Variants in SNTG1 observed in about 807,000 individuals in gnomAD.
The protein encoded by SNTG1 is syntrophin gamma 1, also known as gamma-1-syntrophin.
SNTG1 carries 39 observed loss-of-function variants against 74.7 expected under a neutral mutation model. The ratio of observed to expected loss-of-function variants is 0.52; its 90% CI spans 0.40 to 0.68. The LOEUF is 0.68. Ranked by LOEUF, SNTG1 falls within the 30% of genes least tolerant of loss-of-function variation. The pLI is 0.00. For missense variants in SNTG1, 685 were observed against 609.5 expected, an observed-to-expected ratio of 1.12 and a Z score of -1.30; for synonymous variants, 254 against 217.1, an observed-to-expected ratio of 1.17 and a Z score of -1.49.
At chr8:50,356,777 G>C (rs2091827921) in intron 2 of SNTG1, among the ~76,000 whole-genome samples, 1 of 152,126 alleles carries the variant, frequency 6.6e-6, no homozygotes, top group African/African-American at 2.4e-5. Context: ...TTCAACACCT[G>C]AATTTCAGAG....
At chr8:50,075,591 T>C (rs559539407) in intron 1 of SNTG1, among the ~76,000 whole-genome samples, 1 of 152,290 alleles carries the variant, frequency 6.6e-6, no homozygotes, top group South Asian at 2.1e-4. Flanking sequence ...AAAAGCAGGC[T>C]GCCAGAGCCA....
intron 2 of SNTG1, among the ~76,000 whole-genome samples, chr8:50,265,521 T>C (rs2087420454): frequency 6.6e-6 from 1 of 152,040 alleles, no homozygotes; most frequent in Admixed American, 6.6e-5. Flanking sequence ...GCAATATTCT[T>C]AATAATGAAA....
At chr8:50,449,799 G>A (rs1278156285) in intron 6 of SNTG1, 74 bp downstream of exon 6, 1 of 1,277,790 alleles carries the variant, frequency 7.8e-7, no homozygotes, top group Non-Finnish European at 1.1e-6. Flanking sequence ...TGATATTCAA[G>A]AATCCTAAAT....
At chr8:50,027,383 T>C (rs902900219) in intron 1 of SNTG1, among the ~76,000 whole-genome samples, 2 of 152,172 alleles carry the variant, frequency 1.3e-5, no homozygotes, top group Admixed American at 6.5e-5. Flanking sequence ...TGTACTGCGT[T>C]GAACAATGTC....
intron 1 of SNTG1, among the ~76,000 whole-genome samples, chr8:49,912,550 T>C (rs777992147): frequency 6.6e-6 from 1 of 152,258 alleles, no homozygotes; most frequent in Non-Finnish European, 1.5e-5. Flanking sequence ...TGTTGTCTTA[T>C]GTATGCCATA....
chr8:50,165,075 G>A (rs996820534), intron 1 of SNTG1, among the ~76,000 whole-genome samples: 1 of 152,126 alleles, frequency 6.6e-6, no homozygotes, highest in Non-Finnish European at 1.5e-5. Flanking sequence ...AAAAAATGTT[G>A]AATTAGGTGT....
At chr8:50,268,646 C>A (rs974866891) in intron 2 of SNTG1, among the ~76,000 whole-genome samples, 1 of 139,006 alleles carries the variant, frequency 7.2e-6, no homozygotes, top group African/African-American at 2.5e-5. Context: ...CATACTCATA[C>A]ATATTCAATT....
intron 2 of SNTG1, among the ~76,000 whole-genome samples, chr8:50,379,240 C>T (rs1368612226): frequency 5.3e-5 from 8 of 152,138 alleles, no homozygotes; most frequent in Admixed American, 1.3e-4. Context: ...GGCTTGGCCC[C>T]GACTTTGCTC....
intron 1 of SNTG1, among the ~76,000 whole-genome samples, chr8:50,130,532 G>T (rs891409591): frequency 6.6e-6 from 1 of 152,078 alleles, no homozygotes; most frequent in Admixed American, 6.6e-5. Flanking sequence ...GAAACCAGGA[G>T]CAAAATATAA....
intron 17 of SNTG1, among the ~76,000 whole-genome samples, chr8:50,739,731 C>T (rs1192813331): frequency 1.3e-5 from 2 of 151,886 alleles, no homozygotes; most frequent in Non-Finnish European, 2.9e-5. Flanking sequence ...TGATTTTAAA[C>T]AGGGCTATAG....
At chr8:50,133,999 G>A (rs1293962192) in intron 1 of SNTG1, among the ~76,000 whole-genome samples, 6 of 152,216 alleles carry the variant, frequency 3.9e-5, no homozygotes, top group Non-Finnish European at 8.8e-5. Context: ...GCCCTTAGGA[G>A]GCTGTGCTTA....
At chr8:50,410,074 A>G (rs988821626) in intron 4 of SNTG1, among the ~76,000 whole-genome samples, 2 of 152,242 alleles carry the variant, frequency 1.3e-5, no homozygotes, top group African/African-American at 4.8e-5. Context: ...AGATGACTTT[A>G]AGAGAACTAA....
intron 1 of SNTG1, among the ~76,000 whole-genome samples, chr8:50,140,525 T>C (rs2081620434): frequency 6.6e-6 from 1 of 151,982 alleles, no homozygotes; most frequent in Non-Finnish European, 1.5e-5. Context: ...TCAGTGTGGG[T>C]ATGAGTGTTA....
At chr8:50,283,979 A>G (rs1339815133) in intron 2 of SNTG1, among the ~76,000 whole-genome samples, 1 of 152,124 alleles carries the variant, frequency 6.6e-6, no homozygotes, top group Non-Finnish European at 1.5e-5. Flanking sequence ...GTACATTAGT[A>G]TAAAGTAGAG....
At chr8:50,754,276 A>T (rs559446943) in intron 18 of SNTG1, among the ~76,000 whole-genome samples, 6 of 152,138 alleles carry the variant, frequency 3.9e-5, no homozygotes, top group Non-Finnish European at 5.9e-5. Flanking sequence ...ATTATATTCT[A>T]TAGTGGCTAC....
intron 12 of SNTG1, among the ~76,000 whole-genome samples, chr8:50,573,687 T>C (rs2094561275): frequency 1.3e-5 from 2 of 151,862 alleles, no homozygotes; most frequent in Non-Finnish European, 2.9e-5. Context: ...ATTGTTTGAT[T>C]TGTAATATAT....
At chr8:49,915,736 T>A (rs774698135) in intron 1 of SNTG1, among the ~76,000 whole-genome samples, 2 of 152,136 alleles carry the variant, frequency 1.3e-5, no homozygotes, top group African/African-American at 4.8e-5. Flanking sequence ...AAACTCCATA[T>A]CCTAAAACAT....
At chr8:50,241,307 G>C (rs548219139) in intron 2 of SNTG1, among the ~76,000 whole-genome samples, 5 of 152,336 alleles carry the variant, frequency 3.3e-5, no homozygotes, top group African/African-American at 1.2e-4. Flanking sequence ...AGAGCAGAGA[G>C]TGTGAATGGC....
At chr8:50,640,006 A>T (rs1252355530) in intron 13 of SNTG1, among the ~76,000 whole-genome samples, 1 of 152,050 alleles carries the variant, frequency 6.6e-6, no homozygotes, top group Non-Finnish European at 1.5e-5. Flanking sequence ...ATCATTGTGG[A>T]TTTAAACACA....
Sources: allele counts gnomAD v4.1 joint callset (sites outside exome capture counted in the v4.1 genomes callset), GRCh38; gene constraint gnomAD v4.1.1; transcripts MANE v1.5; gene names NCBI Gene and HGNC (gene_info 2026-07-23, HGNC 2026-07-21).